The following SERBP1 variants were observed in gnomAD, a reference collection of about 807,000 sequenced individuals.
SERBP1 encodes SERPINE1 mRNA binding protein 1.
In SERBP1, 6 loss-of-function variants were observed where a neutral mutation model predicts 50.2. The ratio of observed to expected loss-of-function variants is 0.12; its 90% CI spans 0.07 to 0.24. The LOEUF (loss-of-function observed/expected upper bound fraction) is 0.24, where lower values mean the gene tolerates loss of function less well. SERBP1 is among the 10% of genes least tolerant of loss of function. SERBP1 has a pLI of 1.00. For missense variants in SERBP1, 346 were observed against 524.9 expected (o/e 0.66, Z 3.33); for synonymous variants, 168 against 182.8 (o/e 0.92, Z 0.65).
chr1:67,424,876 C>G lies in SERBP1; in HGVS notation c.695+12G>C. The G allele has an allele frequency of 6.2e-7, 1 of 1,606,910 alleles. No individual in the cohort carries two copies. Among genetic ancestry groups the G allele is most frequent in the Non-Finnish European group, 8.5e-7 (1 of 1,175,378 alleles). Reference sequence around the variant, plus strand: ...TTAGGTATAGAATTTTTAAGAAAATCAGAATACCAACGTTAATTCGTCTTT... The same window carrying G: ...TTAGGTATAGAATTTTTAAGAAAATGAGAATACCAACGTTAATTCGTCTTT... On this transcript the variant is annotated intron_variant, in intron 4 of 7. Transcript: ENST00000361219.
In SERBP1 at chr1:67,415,164, A is replaced by G. The variant is rs1570281074; in HGVS notation, c.1125+2T>C. 1.9e-6 allele frequency: 3 copies of G among 1,571,064 alleles called. No individual in the cohort carries two copies. The highest frequency in any genetic ancestry group is 2.8e-5 in the African/African-American group (2 of 72,636). ...TAAAAGGAAAAGAAAGTCTTAAATT[A>G]CCTTGTCGGTCCTGCTGCCACGGTT... is the stretch of plus-strand genomic sequence containing the variant. On this transcript the variant is annotated splice_donor_variant, in intron 7 of 7. Transcript: ENST00000361219. LOFTEE classifies it high-confidence loss of function.
chr1:67,420,458 C>T lies in SERBP1; in HGVS notation c.774-272G>A, dbSNP rs191037231. 306 of 299,090 alleles carry T rather than the reference C, an allele frequency of 1.0e-3. 1 individual carries two copies. Among genetic ancestry groups the T allele is most frequent in the African/African-American group, 6.3e-3 (290 of 46,172 alleles). The allele number at this position is 299,090 out of a possible 1,614,324, so 18.5% of individuals were successfully genotyped here. A position where few individuals can be genotyped will look rare whatever the true frequency, so the allele number is the denominator to read the frequency against. ...TATCAGTAATACAATCTAGAACTGGCTTTACGAATACTAAAATACACATTT... is the reference window on the plus strand; with the variant it reads ...TATCAGTAATACAATCTAGAACTGGTTTTACGAATACTAAAATACACATTT... On this transcript the variant is annotated intron_variant, in intron 5 of 7. Transcript: ENST00000361219.
rs1366784353 is a variant in SERBP1 at position 67,409,427 on chromosome 1, ACAC to A, written c.*3777_*3779del. ...CACACACACACACACACACCCCCACACACACCAGGTCACAGGCTGAACTTTGCT... is the reference window on the plus strand; with the variant it reads ...CACACACACACACACACACCCCCACAACCAGGTCACAGGCTGAACTTTGCT... On this transcript the variant is annotated 3_prime_UTR_variant, in exon 8 of 8. Transcript: ENST00000361219. 1.9e-4 allele frequency: 28 copies of A among 145,656 alleles called. 1 individual carries two copies. Among genetic ancestry groups the A allele is most frequent in the African/African-American group, 7.4e-4 (28 of 37,652 alleles). 9.0% of individuals were successfully genotyped at this position (145,656 alleles called of 1,614,324 possible).
At chr1:67,423,482 C>A (rs1667270205) in intron 5 of SERBP1, among the ~76,000 whole-genome samples, 1 of 151,868 alleles carries the variant, frequency 6.6e-6, no homozygotes, top group South Asian at 2.1e-4. Flanking sequence ...TGGCAGGCAC[C>A]TATAGTCCCA....
At chr1:67,418,518 G>A (rs1667099960) in intron 6 of SERBP1, among the ~76,000 whole-genome samples, 1 of 152,100 alleles carries the variant, frequency 6.6e-6, no homozygotes, top group Non-Finnish European at 1.5e-5. Flanking sequence ...AGCACTTTGG[G>A]AGGCTGAGGC....
At chr1:67,425,927 G>A (rs1667358019) in intron 2 of SERBP1, among the ~76,000 whole-genome samples, 3 of 152,194 alleles carry the variant, frequency 2.0e-5, no homozygotes, top group Admixed American at 6.5e-5. Context: ...ACCAGCCAAT[G>A]CAATATATAT....
chr1:67,421,056 A>T (rs527464114), intron 5 of SERBP1, among the ~76,000 whole-genome samples: 16 of 152,334 alleles, frequency 1.1e-4, no homozygotes, highest in African/African-American at 3.6e-4. Flanking sequence ...CTTAGAGCTC[A>T]AATATCTCCC....
chr1:67,418,684 G>A (rs189693030), intron 6 of SERBP1, among the ~76,000 whole-genome samples: 169 of 152,166 alleles, frequency 1.1e-3, no homozygotes, highest in Non-Finnish European at 1.7e-3. Flanking sequence ...GTTTGAATCC[G>A]GGAGGTGGAG....
intron 6 of SERBP1, 103 bp downstream of exon 6, chr1:67,419,906 G>A (rs1392938019): frequency 2.0e-6 from 2 of 985,416 alleles, no homozygotes; most frequent in Middle Eastern, 2.1e-4. Flanking sequence ...CCTATGTAAA[G>A]CTTTAACAGA....
chr1:67,420,731 T>C (rs1032284087), intron 5 of SERBP1, among the ~76,000 whole-genome samples: 1 of 152,218 alleles, frequency 6.6e-6, no homozygotes, highest in Non-Finnish European at 1.5e-5. Context: ...GCCGTGTTTC[T>C]ACAAATCCTA....
intron 6 of SERBP1, among the ~76,000 whole-genome samples, chr1:67,418,512 C>T (rs1667099465): frequency 6.6e-6 from 1 of 152,070 alleles, no homozygotes; most frequent in Non-Finnish European, 1.5e-5. Context: ...AATCCCAGCA[C>T]TTTGGGAGGC....
In SERBP1 at chr1:67,429,972, T is replaced by C; in HGVS notation, c.313+16A>G. On this transcript the variant is annotated intron_variant, in intron 1 of 7. Coordinates refer to ENST00000361219, the MANE Select transcript of SERBP1 (RefSeq NM_001018069.2). ...CCCTCCATCCCAGTCTCCCCCACAT[T>C]CTGCCCCTGCTTTACCTTCTTTCTT... The C allele has an allele frequency of 6.3e-7, 1 of 1,585,992 alleles. No homozygotes were observed. The highest frequency in any genetic ancestry group is 8.6e-7 in the Non-Finnish European group (1 of 1,166,310).
At chr1:67,422,878 T>C (rs552048109) in intron 5 of SERBP1, among the ~76,000 whole-genome samples, 99 of 151,742 alleles carry the variant, frequency 6.5e-4, no homozygotes, top group Non-Finnish European at 1.0e-3. Flanking sequence ...GGAGAATCGT[T>C]TGAACCCAGG....
chr1:67,417,273 T>C (rs1667042205), intron 6 of SERBP1: 1 of 152,088 alleles, frequency 6.6e-6, no homozygotes, highest in Non-Finnish European at 1.5e-5. Flanking sequence ...ATTAGCATGA[T>C]CCCCACAAGG....
chr1:67,413,563 C>T (rs770824481), intron 7 of SERBP1, among the ~76,000 whole-genome samples: 2 of 150,830 alleles, frequency 1.3e-5, no homozygotes, highest in East Asian at 2.0e-4. Flanking sequence ...GCAGGAGAAT[C>T]GCTTGAACCT....
chr1:67,416,411 A>C (rs1034638680), intron 6 of SERBP1, among the ~76,000 whole-genome samples: 1 of 152,232 alleles, frequency 6.6e-6, no homozygotes, highest in Non-Finnish European at 1.5e-5. Flanking sequence ...AAAAGCAAAA[A>C]GCCAGACAAT....
chr1:67,415,054 G>A, intron 7 of SERBP1, 112 bp downstream of exon 7: 1 of 1,197,772 alleles, frequency 8.3e-7, no homozygotes, highest in Admixed American at 2.9e-5. Flanking sequence ...GTTTCTTAAA[G>A]ACACTGCTAC....
rs1557496331 is a variant in SERBP1, at chr1:67,409,606, T to C, written c.*3601A>G. 6.6e-6 allele frequency: 1 copy of C among 152,154 alleles called. No individual in the cohort carries two copies. Among genetic ancestry groups the C allele is most frequent in the Non-Finnish European group, 1.5e-5 (1 of 68,028 alleles). 9.4% of individuals were successfully genotyped at this position (152,154 alleles called of 1,614,324 possible). ...TTCTCATGTTTAGATTACAACCTTG[T>C]TTTCACTATATTCTTGAAATTACCG... On this transcript the variant is annotated 3_prime_UTR_variant, in exon 8 of 8. Transcript: ENST00000361219.
rs2100441550 is a variant in SERBP1, at chr1:67,426,117, A to G, written c.464+18T>C. 1.9e-6 allele frequency: 3 copies of G among 1,596,842 alleles called. No individual in the cohort carries two copies. The highest frequency in any genetic ancestry group is 4.6e-4 in the Middle Eastern group (2 of 4,382). On this transcript the variant is annotated intron_variant, in intron 2 of 7. Coordinates refer to ENST00000361219, the MANE Select transcript of SERBP1 (RefSeq NM_001018069.2). ...ATGTTAGACCAAGACCCTGGCTCAA[A>G]AACAAGAAACAACTTACCTATCAAC...
Sources: allele counts gnomAD v4.1 joint callset (sites outside exome capture counted in the v4.1 genomes callset), GRCh38; gene constraint gnomAD v4.1.1; transcripts MANE v1.5; gene names NCBI Gene and HGNC (gene_info 2026-07-23, HGNC 2026-07-21).